The following ZNF423 variants were observed in gnomAD, a reference collection of about 807,000 sequenced individuals.
The protein encoded by ZNF423 is zinc finger protein 423.
ZNF423 carries 12 observed loss-of-function variants against 95.8 expected under a neutral mutation model. The observed-to-expected ratio is 0.13, with a 90% confidence interval of 0.08 to 0.20. The LOEUF (loss-of-function observed/expected upper bound fraction) is 0.20. ZNF423 is among the 10% of genes least tolerant of loss of function. The probability of loss-of-function intolerance (pLI) is 1.00; values close to 1 mark genes in which losing one functional copy is unlikely to be tolerated. For synonymous variants in ZNF423, 749 were observed against 711.9 expected, an observed-to-expected ratio of 1.05 and a Z score of -0.83; for missense variants, 1,316 against 1,737.1, an observed-to-expected ratio of 0.76 and a Z score of 4.31.
intron 5 of ZNF423, among the ~76,000 whole-genome samples, chr16:49,588,134 AG>A (rs1970899693): frequency 6.6e-6 from 1 of 152,210 alleles, no homozygotes. Context: ...AGATGGCATG[AG>A]AGGAAAACTA....
chr16:49,741,857 C>T (rs566163494), intron 2 of ZNF423, among the ~76,000 whole-genome samples: 3 of 152,346 alleles, frequency 2.0e-5, no homozygotes, highest in African/African-American at 7.2e-5. Flanking sequence ...TACTTCTGAG[C>T]CTCAGTTTCC....
In ZNF423 at chr16:49,638,202, G is replaced by A. The variant is rs570889309; in HGVS notation, c.974C>T (p.Ala325Val). The change falls in exon 4 of 8, where the codon GCC becomes GTC. Residue 325 changes from alanine to valine, a missense_variant. Coordinates refer to ENST00000563137, the MANE Select transcript of ZNF423 (RefSeq NM_001379286.1). The surrounding 1 kb of genome is among the most constrained non-coding windows in gnomAD (Gnocchi z 5.6). ...ENTLLAHIHQ[A>V]HANQKHKCPM... ...GCACTTGTGTTTCTGGTTGGCGTGG[G>A]CTTGGTGGATATGGGCGAGCAGTGT... 5 of 1,608,060 alleles carry A rather than the reference G, an allele frequency of 3.1e-6. No homozygotes were observed. In the African/African-American group the frequency reaches 6.7e-5, roughly 21 times the overall value.
chr16:49,738,428 G>A (rs778895623), intron 2 of ZNF423, among the ~76,000 whole-genome samples: 4 of 152,160 alleles, frequency 2.6e-5, no homozygotes, highest in Non-Finnish European at 4.4e-5. Context: ...ACCAAGGCAA[G>A]TCCCCTACCT....
At position 49,638,878 on chromosome 16, in the gene ZNF423, C is replaced by T. The variant is rs778269114; in HGVS notation, c.302-4G>A. On this transcript the variant is annotated splice_region_variant and splice_polypyrimidine_tract_variant and intron_variant, in intron 3 of 7. Coordinates refer to ENST00000563137, the MANE Select transcript of ZNF423 (RefSeq NM_001379286.1). This position sits in a 1 kb window ranked among gnomAD's most constrained non-coding sequence, Gnocchi z 5.6. ...AGTTGTGGGTCGTCATCACCATCTG[C>T]AAGAGAAGGCAGAGAGGATATTAGA... is the stretch of plus-strand genomic sequence containing the variant. The T allele has an allele frequency of 1.3e-6, 2 of 1,597,160 alleles. No individual in the cohort carries two copies. Among genetic ancestry groups the T allele is most frequent in the South Asian group, 1.1e-5 (1 of 87,714 alleles).
intron 2 of ZNF423, among the ~76,000 whole-genome samples, chr16:49,746,262 CG>C (rs1430133610): frequency 1.3e-5 from 2 of 151,980 alleles, no homozygotes; most frequent in Non-Finnish European, 2.9e-5. Flanking sequence ...CCACTGGGTG[CG>C]GGAAGAAAAT....
At chr16:49,640,432 A>G (rs372238141) in intron 3 of ZNF423, among the ~76,000 whole-genome samples, 15 of 152,160 alleles carry the variant, frequency 9.9e-5, no homozygotes, top group African/African-American at 3.6e-4. Flanking sequence ...ACACACACAC[A>G]CATCACAGAC....
rs1248636877 is a variant in ZNF423 at position 49,513,306 on chromosome 16, G to C, written c.3849+10318C>G. On this transcript the variant is annotated intron_variant, in intron 7 of 7. Transcript: ENST00000563137. Reference sequence around the variant, plus strand: ...GCCCTGGTCTCCCAGCAGAAGTCAGGTTGACAAGGATGGGGCCATCTCTAA... The same window carrying C: ...GCCCTGGTCTCCCAGCAGAAGTCAGCTTGACAAGGATGGGGCCATCTCTAA... Among the ~76,000 whole-genome samples the C allele has an allele frequency of 2.6e-5, 4 of 152,314 alleles. No individual in the cohort carries two copies. In the East Asian group the frequency reaches 7.7e-4, roughly 29 times the overall value.
chr16:49,676,775 G>C (rs1232078366), intron 3 of ZNF423, among the ~76,000 whole-genome samples: 1 of 152,228 alleles, frequency 6.6e-6, no homozygotes, highest in African/African-American at 2.4e-5. Flanking sequence ...CATGCCACGG[G>C]GCTGGCAAAG....
At chr16:49,767,972 C>T (rs139975581) in intron 2 of ZNF423, among the ~76,000 whole-genome samples, 1 of 152,398 alleles carries the variant, frequency 6.6e-6, no homozygotes, top group African/African-American at 2.4e-5. Context: ...GAAATCCCCT[C>T]CTTTTCAGGC....
intron 2 of ZNF423, among the ~76,000 whole-genome samples, chr16:49,736,222 G>A (rs906109811): frequency 5.9e-5 from 9 of 152,212 alleles, no homozygotes; most frequent in East Asian, 1.9e-4. Flanking sequence ...ATTGTCTGAC[G>A]ATAAGTATTA....
rs182725969 is a variant in ZNF423, at chr16:49,584,874, A to C, written c.3601+41296T>G. Among the ~76,000 whole-genome samples, 422 of 152,306 alleles carry C rather than the reference A, an allele frequency of 2.8e-3. 5 individuals carry two copies. The highest frequency in any genetic ancestry group is 8.9e-3 in the African/African-American group (369 of 41,568). The stretch of plus-strand genomic sequence containing the variant: ...CTTCAATATGTAGAATGCACCGGGA[A>C]CATAATTCAGCCCAGAACAGTGTCT... On this transcript the variant is annotated intron_variant, in intron 5 of 7. Transcript: ENST00000563137.
chr16:49,600,850 G>A (rs528254355), intron 5 of ZNF423, among the ~76,000 whole-genome samples: 176 of 152,218 alleles, frequency 1.2e-3, no homozygotes, highest in Admixed American at 2.5e-3. Flanking sequence ...AATCACCGTC[G>A]CTCAGGAGGG....
chr16:49,654,367 C>T (rs1973528151), intron 3 of ZNF423, among the ~76,000 whole-genome samples: 1 of 152,328 alleles, frequency 6.6e-6, no homozygotes, highest in South Asian at 2.1e-4. Flanking sequence ...TCATTTCCTC[C>T]TTTCCTGGTG....
intron 3 of ZNF423, among the ~76,000 whole-genome samples, chr16:49,690,587 G>A (rs2031740465): frequency 6.6e-6 from 1 of 152,178 alleles, no homozygotes; most frequent in South Asian, 2.1e-4. Flanking sequence ...TCATCTCCCA[G>A]GAATTCTTCA....
Position 49,487,843 on chromosome 16 carries a change from AG to A in ZNF423, c.*3431del, listed in dbSNP as rs1371808271. On this transcript the variant is annotated 3_prime_UTR_variant, in exon 8 of 8. Transcript: ENST00000563137. ...ACCTCCCTTATTTCTTCAGGTCTCAAGCCCCTGCCTCAGCAAGGCCTTCCTT... is the reference window on the plus strand; with the variant it reads ...ACCTCCCTTATTTCTTCAGGTCTCAACCCCTGCCTCAGCAAGGCCTTCCTT... 9 of 152,246 alleles carry A rather than the reference AG, an allele frequency of 5.9e-5. No individual in the cohort carries two copies. The highest frequency in any genetic ancestry group is 1.4e-4 in the African/African-American group (6 of 41,448). 9.4% of individuals were successfully genotyped at this position (152,246 alleles called of 1,614,324 possible).
At chr16:49,550,805 G>A (rs1035226649) in intron 5 of ZNF423, among the ~76,000 whole-genome samples, 2 of 152,236 alleles carry the variant, frequency 1.3e-5, no homozygotes, top group African/African-American at 4.8e-5. Flanking sequence ...AACAAGTCTA[G>A]CTCTGAGGGC....
At chr16:49,785,671 G>C (rs2034299177) in intron 2 of ZNF423, among the ~76,000 whole-genome samples, 7 of 152,228 alleles carry the variant, frequency 4.6e-5, no homozygotes, top group African/African-American at 1.7e-4. Flanking sequence ...GGCCCAGCCA[G>C]CAGGAGCTGA....
chr16:49,651,501 TG>T (rs954605460), intron 3 of ZNF423, among the ~76,000 whole-genome samples: 10 of 152,114 alleles, frequency 6.6e-5, no homozygotes, highest in African/African-American at 2.4e-4. Context: ...TGGAGACATC[TG>T]TGTTTGCCTG....
intron 3 of ZNF423, among the ~76,000 whole-genome samples, chr16:49,639,716 G>A (rs968586407): frequency 7.9e-5 from 12 of 152,302 alleles, no homozygotes; most frequent in Admixed American, 2.0e-4. Context: ...AGACCCAGGC[G>A]GACCCTTAAC....
Sources: gnomAD v4.1 joint callset for allele counts (sites outside exome capture counted in the v4.1 genomes callset) on GRCh38, gnomAD v4.1.1 for gene constraint, Gnocchi (gnomAD v3.1) non-coding constraint, MANE v1.5 for transcripts, NCBI Gene and HGNC (gene_info 2026-07-23, HGNC 2026-07-21) for gene names.